The following CCDC171 variants were observed in gnomAD, a reference collection of about 807,000 sequenced individuals.
The protein encoded by CCDC171 is coiled-coil domain-containing protein 171.
In CCDC171, 177 loss-of-function variants were observed where a neutral mutation model predicts 168.2. The ratio of observed to expected loss-of-function variants is 1.05; its 90% CI spans 0.93 to 1.19. The LOEUF (loss-of-function observed/expected upper bound fraction) is 1.19. CCDC171 is among the 50% of genes most tolerant of loss of function. The pLI is 0.00. For synonymous variants in CCDC171, 687 were observed against 540.8 expected (o/e 1.27, Z -3.75); for missense variants, 1,991 against 1,539.0 (o/e 1.29, Z -4.91).
chr9:15,563,953 A>G (rs759553979), intron 1 of CCDC171, 25 bp from the exon 2 acceptor site: 11 of 662,196 alleles, frequency 1.7e-5, no homozygotes, highest in African/African-American at 3.7e-5. Flanking sequence ...TCAAACTGCT[A>G]TTGTATCATT....
intron 2 of CCDC171, 111 bp downstream of exon 2, chr9:15,564,240 G>T: frequency 2.7e-6 from 2 of 733,334 alleles, no homozygotes; most frequent in South Asian, 1.9e-5. Flanking sequence ...ATGGTAAGGG[G>T]AGTAGAAATT....
intron 4 of CCDC171, chr9:15,587,728 A>G (rs1375584989): frequency 2.3e-6 from 1 of 440,456 alleles, no homozygotes; most frequent in Non-Finnish European, 4.6e-6. Context: ...TATTACATTT[A>G]TAGTTTCTAA....
At chr9:15,981,166 A>G (rs1564099216) in intron 3 of CCDC171, among the ~76,000 whole-genome samples, 1 of 152,150 alleles carries the variant, frequency 6.6e-6, no homozygotes, top group Non-Finnish European at 1.5e-5. Context: ...ACACAGCTAA[A>G]CCATATCAAA....
intron 1 of CCDC171, among the ~76,000 whole-genome samples, chr9:16,058,904 G>C (rs571008738): frequency 4.1e-4 from 63 of 152,340 alleles, no homozygotes; most frequent in African/African-American, 1.4e-3. Context: ...TGTTCAGGTT[G>C]TAGACTCAAT....
chr9:15,873,770 C>T (rs1019249894), intron 23 of CCDC171, among the ~76,000 whole-genome samples: 14 of 152,172 alleles, frequency 9.2e-5, no homozygotes, highest in Admixed American at 2.6e-4. Flanking sequence ...CAGAAGGTGG[C>T]AGTGTGATAT....
intron 3 of CCDC171, among the ~76,000 whole-genome samples, 192 bp downstream of exon 3, chr9:15,571,951 A>C (rs1293819437): frequency 6.6e-6 from 1 of 152,164 alleles, no homozygotes; most frequent in Non-Finnish European, 1.5e-5. Flanking sequence ...ACTTTAATGA[A>C]TTATGTTTAT....
At chr9:16,086,311 A>ATTT in the CCDC171 span, among the ~76,000 whole-genome samples, 119 of 141,460 alleles carry the variant, frequency 8.4e-4, no homozygotes, top group Non-Finnish European at 1.5e-3. Flanking sequence ...CCCCTTTATC[A>ATTT]TTTTTTTTTT....
At chr9:16,033,729 C>A (rs1407880832) in intron 6 of CCDC171, among the ~76,000 whole-genome samples, 1 of 151,564 alleles carries the variant, frequency 6.6e-6, no homozygotes, top group East Asian at 1.9e-4. Flanking sequence ...TACACAAAAC[C>A]AGTCCCTGGT....
intron 6 of CCDC171, among the ~76,000 whole-genome samples, chr9:15,605,177 G>T (rs573717131): frequency 1.3e-5 from 2 of 152,222 alleles, no homozygotes; most frequent in African/African-American, 4.8e-5. Context: ...GATTACAGGA[G>T]TGAGCCACCA....
intron 3 of CCDC171, among the ~76,000 whole-genome samples, chr9:16,017,699 C>CA (rs1833061740): frequency 6.6e-6 from 1 of 152,108 alleles, no homozygotes; most frequent in African/African-American, 2.4e-5. Context: ...GTTTATGAGA[C>CA]AATTTTAATA....
At chr9:15,870,145 G>C (rs549673550) in intron 23 of CCDC171, among the ~76,000 whole-genome samples, 7 of 151,848 alleles carry the variant, frequency 4.6e-5, no homozygotes, top group African/African-American at 1.7e-4. Flanking sequence ...GCTGGATTTG[G>C]TTCTCAGGCT....
chr9:15,676,472 G>C (rs959684027), intron 9 of CCDC171, among the ~76,000 whole-genome samples: 1 of 151,776 alleles, frequency 6.6e-6, no homozygotes, highest in East Asian at 1.9e-4. Flanking sequence ...CATCTTCTGC[G>C]TTGATCTCTG....
intron 25 of CCDC171, among the ~76,000 whole-genome samples, chr9:15,928,055 C>G (rs535130883): frequency 8.9e-4 from 135 of 151,730 alleles, no homozygotes; most frequent in African/African-American, 3.1e-3. Flanking sequence ...AGTTCAACTC[C>G]CTGGCTTTTA....
At chr9:15,691,920 T>C (rs1353375476) in intron 10 of CCDC171, among the ~76,000 whole-genome samples, 1 of 152,114 alleles carries the variant, frequency 6.6e-6, no homozygotes, top group Non-Finnish European at 1.5e-5. Flanking sequence ...TTGATCCTCT[T>C]GCCTTGGCCT....
At chr9:16,090,500 G>A in the CCDC171 span, among the ~76,000 whole-genome samples, 326 of 152,276 alleles carry the variant, frequency 2.1e-3, 1 homozygote, top group African/African-American at 7.6e-3. Context: ...AACCACCATG[G>A]CACGTGTATA....
chr9:16,080,676 C>A, the CCDC171 span, among the ~76,000 whole-genome samples: 1 of 152,212 alleles, frequency 6.6e-6, no homozygotes, highest in African/African-American at 2.4e-5. Flanking sequence ...GAAAGGAAAG[C>A]TAAATCAGTG....
chr9:15,584,556 C>T (rs1165900825), intron 4 of CCDC171, among the ~76,000 whole-genome samples: 1 of 152,160 alleles, frequency 6.6e-6, no homozygotes, highest in Admixed American at 6.5e-5. Context: ...GCATTTCTTT[C>T]TTCCAGGTGA....
At chr9:15,689,860 C>T (rs959391631) in intron 10 of CCDC171, among the ~76,000 whole-genome samples, 1 of 152,080 alleles carries the variant, frequency 6.6e-6, no homozygotes, top group East Asian at 1.9e-4. Flanking sequence ...ACATGTATAT[C>T]AATGGACCAG....
At chr9:15,895,515 A>G (rs910623348) in intron 24 of CCDC171, among the ~76,000 whole-genome samples, 1 of 152,090 alleles carries the variant, frequency 6.6e-6, no homozygotes. Context: ...ATATTCACCT[A>G]TATACTCACA....
Sources: gnomAD v4.1 joint callset for allele counts (sites outside exome capture counted in the v4.1 genomes callset) on GRCh38, gnomAD v4.1.1 for gene constraint, MANE v1.5 for transcripts, NCBI Gene and HGNC (gene_info 2026-07-23, HGNC 2026-07-21) for gene names.